TRIM44: variants seen among roughly 807,000 people sequenced by gnomAD.
TRIM44 encodes the protein tripartite motif-containing protein 44.
A neutral mutation model predicts 37.4 loss-of-function variants in TRIM44; 13 were observed. That is an observed-to-expected ratio of 0.35 (90% confidence interval 0.23 to 0.55). TRIM44 has a LOEUF of 0.55. TRIM44 is among the 20% of genes least tolerant of loss of function. The probability of loss-of-function intolerance (pLI) is 0.89; values close to 1 mark genes in which losing one functional copy is unlikely to be tolerated. For missense variants in TRIM44, 426 were observed against 437.2 expected, an observed-to-expected ratio of 0.97 and a Z score of 0.23; for synonymous variants, 175 against 157.2, an observed-to-expected ratio of 1.11 and a Z score of -0.85.
intron 4 of TRIM44, among the ~76,000 whole-genome samples, chr11:35,753,563 T>TA (rs1485794048): frequency 6.6e-6 from 1 of 152,214 alleles, no homozygotes. Context: ...GCAGTTCTCT[T>TA]AGGCAGGACT....
At chr11:35,784,490 G>T (rs185968979) in intron 4 of TRIM44, among the ~76,000 whole-genome samples, 1 of 152,238 alleles carries the variant, frequency 6.6e-6, no homozygotes, top group South Asian at 2.1e-4. Context: ...ATATTCAGAA[G>T]TTGCCTCTTA....
chr11:35,663,839 AGGT>A, intron 1 of TRIM44, 59 bp downstream of exon 1: 1 of 1,534,302 alleles, frequency 6.5e-7, no homozygotes, highest in Non-Finnish European at 8.7e-7. Flanking sequence ...GTTTCAACTC[AGGT>A]GGCCTGGCTG....
intron 2 of TRIM44, among the ~76,000 whole-genome samples, chr11:35,706,736 T>C (rs1466634756): frequency 2.0e-5 from 3 of 151,814 alleles, no homozygotes; most frequent in Non-Finnish European, 4.4e-5. Context: ...AAACTCTCAA[T>C]AAATTAGGTA....
At chr11:35,804,294 T>TC (rs1269652075) in intron 4 of TRIM44, among the ~76,000 whole-genome samples, 5 of 152,182 alleles carry the variant, frequency 3.3e-5, no homozygotes, top group African/African-American at 1.2e-4. Flanking sequence ...CAAGCCACTC[T>TC]CCAAATATTA....
intron 4 of TRIM44, among the ~76,000 whole-genome samples, chr11:35,773,093 G>T (rs1164541375): frequency 2.0e-5 from 3 of 152,110 alleles, no homozygotes; most frequent in African/African-American, 4.8e-5. Context: ...TTTATCAGGG[G>T]TTTCCGCTTT....
At chr11:35,691,475 T>C (rs957961504) in intron 2 of TRIM44, among the ~76,000 whole-genome samples, 2 of 152,224 alleles carry the variant, frequency 1.3e-5, no homozygotes, top group African/African-American at 4.8e-5. Context: ...TTGAAAATAT[T>C]ATGTCAAAAA....
At chr11:35,693,663 A>C (rs1281721884) in intron 2 of TRIM44, among the ~76,000 whole-genome samples, 1 of 152,070 alleles carries the variant, frequency 6.6e-6, no homozygotes, top group Non-Finnish European at 1.5e-5. Context: ...GTTTTAAAAA[A>C]TTTCCCCTTT....
intron 4 of TRIM44, among the ~76,000 whole-genome samples, chr11:35,791,333 G>T (rs1444941292): frequency 1.3e-5 from 2 of 152,046 alleles, no homozygotes; most frequent in Non-Finnish European, 2.9e-5. Context: ...ACATCTGCTT[G>T]TGCTGCCTCA....
At chr11:35,703,180 TG>T (rs1014965029) in intron 2 of TRIM44, among the ~76,000 whole-genome samples, 16 of 152,126 alleles carry the variant, frequency 1.1e-4, no homozygotes, top group African/African-American at 3.9e-4. Flanking sequence ...GAGATAAACC[TG>T]CAAGGCGGAA....
chr11:35,794,685 T>C (rs1346772464), intron 4 of TRIM44, among the ~76,000 whole-genome samples: 1 of 152,234 alleles, frequency 6.6e-6, no homozygotes, highest in African/African-American at 2.4e-5. Context: ...CAAAGTAAGC[T>C]GTTCATGAGA....
At chr11:35,726,206 A>G (rs776777861) in intron 3 of TRIM44, 43 bp downstream of exon 3, 3 of 1,603,448 alleles carry the variant, frequency 1.9e-6, no homozygotes, top group Admixed American at 1.7e-5. Context: ...GAGAAATAGG[A>G]GGAAACTGAT....
chr11:35,742,348 A>G (rs984182851), intron 4 of TRIM44, among the ~76,000 whole-genome samples: 3 of 146,496 alleles, frequency 2.0e-5, no homozygotes, highest in African/African-American at 5.0e-5. Flanking sequence ...AAACATTTAC[A>G]TATATTATCT....
At chr11:35,758,906 A>G (rs1055130654) in intron 4 of TRIM44, among the ~76,000 whole-genome samples, 3 of 152,240 alleles carry the variant, frequency 2.0e-5, no homozygotes, top group South Asian at 2.1e-4. Flanking sequence ...TGGGTAACCC[A>G]ACCTTTCTCT....
At chr11:35,793,992 A>T (rs971261475) in intron 4 of TRIM44, among the ~76,000 whole-genome samples, 1 of 152,232 alleles carries the variant, frequency 6.6e-6, no homozygotes, top group African/African-American at 2.4e-5. Context: ...AAGTGCTTAT[A>T]ATGTATAATT....
intron 2 of TRIM44, among the ~76,000 whole-genome samples, chr11:35,703,597 G>T (rs996690166): frequency 6.6e-6 from 1 of 152,126 alleles, no homozygotes; most frequent in African/African-American, 2.4e-5. Flanking sequence ...CAGCATTCGC[G>T]GTTCACAAAA....
At chr11:35,789,886 T>C (rs547388059) in intron 4 of TRIM44, among the ~76,000 whole-genome samples, 1 of 152,266 alleles carries the variant, frequency 6.6e-6, no homozygotes, top group African/African-American at 2.4e-5. Flanking sequence ...ATACGATAGA[T>C]TTCTATTGAA....
intron 4 of TRIM44, among the ~76,000 whole-genome samples, chr11:35,755,982 A>G (rs1015980979): frequency 3.3e-5 from 5 of 151,892 alleles, no homozygotes; most frequent in Admixed American, 2.0e-4. Flanking sequence ...TGACTTGGCA[A>G]TGTGGGCTCT....
chr11:35,795,520 T>G (rs564206500), intron 4 of TRIM44, among the ~76,000 whole-genome samples: 1 of 152,128 alleles, frequency 6.6e-6, no homozygotes, highest in African/African-American at 2.4e-5. Context: ...TGCTAAGATT[T>G]TGAGCACCAT....
chr11:35,725,932 G>T lies in TRIM44; in HGVS notation c.756G>T (p.Arg252=). Residue 252 remains arginine (R), a synonymous_variant, in exon 3 of 5, where the codon CGG becomes CGT. Transcript: ENST00000299413. The part of the protein sequence containing the change: ...KFKSSDPKVT[R]DQMKMFIQQE... ...TTGTCTCTGTTCTAAAGGTAACTCGGGACCAAATGAAGATGTTTATACAGC... is the reference window on the plus strand; with the variant it reads ...TTGTCTCTGTTCTAAAGGTAACTCGTGACCAAATGAAGATGTTTATACAGC... The T allele has an allele frequency of 1.9e-6, 3 of 1,613,804 alleles. No homozygotes were observed. The highest frequency in any genetic ancestry group is 2.5e-6 in the Non-Finnish European group (3 of 1,179,884).
Sources: gnomAD v4.1 joint callset for allele counts (sites outside exome capture counted in the v4.1 genomes callset) on GRCh38, gnomAD v4.1.1 for gene constraint, MANE v1.5 for transcripts, NCBI Gene and HGNC (gene_info 2026-07-23, HGNC 2026-07-21) for gene names.